GBP5: variants seen among roughly 807,000 people sequenced by gnomAD.
The protein encoded by GBP5 is guanylate-binding protein 5.
Under a neutral mutation model 58.2 loss-of-function variants are expected in GBP5, and 48 were observed. The ratio of observed to expected loss-of-function variants is 0.83; its 90% confidence interval spans 0.65 to 1.05. GBP5 has a LOEUF of 1.05. Ranked by LOEUF, GBP5 falls within the 50% of genes least tolerant of loss-of-function variation. The pLI, the probability that GBP5 is intolerant of heterozygous loss-of-function variation, is 0.00. For synonymous variants in GBP5, 248 were observed against 251.8 expected (o/e 0.98, Z 0.14); for missense variants, 714 against 686.8 (o/e 1.04, Z -0.44).
chr1:89,268,835 A>AC lies in GBP5; in HGVS notation c.211dup (p.Val71GlyfsTer27). On this transcript the variant is annotated frameshift_variant, in exon 4 of 12. Coordinates refer to ENST00000370459, the MANE Select transcript of GBP5 (RefSeq NM_052942.5). LOFTEE classifies it high-confidence loss of function. ...CCAAATTCCCTTGGTGTGAGACTGCACCGTAGATGCAACAGAGAAGCCTGT... is the reference window on the plus strand; with the variant it reads ...CCAAATTCCCTTGGTGTGAGACTGCACCCGTAGATGCAACAGAGAAGCCTGT... 6.2e-7 allele frequency: 1 copy of AC among 1,614,020 alleles called. No homozygotes were observed. The highest frequency in any genetic ancestry group is 2.2e-5 in the East Asian group (1 of 44,854).
rs764073054 is a variant in GBP5, at chr1:89,260,749, G to A, written c.1716C>T (p.His572=). The change falls in exon 12 of 12, where the codon CAC becomes CAT. Residue 572 remains histidine, a synonymous_variant. Transcript: ENST00000370459. ...QNRSLLSELQ[H]AQRTVNNDDP... ...CATCGTTATTAACAGTCCTCTGGGC[G>A]TGCTGGAGCTCACTGAGAAGGCTTC... is the stretch of plus-strand genomic sequence containing the variant. The A allele has an allele frequency of 3.0e-5, 48 of 1,613,986 alleles. No homozygotes were observed. The highest frequency in any genetic ancestry group is 3.3e-4 in the Middle Eastern group (2 of 6,062).
intron 5 of GBP5, 77 bp from the exon 6 acceptor site, chr1:89,267,230 C>T: frequency 7.9e-7 from 1 of 1,267,016 alleles, no homozygotes; most frequent in Non-Finnish European, 1.1e-6. Flanking sequence ...TCCCCCAAAC[C>T]TTTATTTTCC....
chr1:89,269,633 A>T lies in GBP5; in HGVS notation c.-19-59T>A, dbSNP rs535827642. 2.5e-6 allele frequency: 3 copies of T among 1,200,226 alleles called. No individual in the cohort carries two copies. In the East Asian group the frequency reaches 7.1e-5, roughly 28 times the overall value. The allele number at this position is 1,200,226 out of a possible 1,614,324, so 74.3% of individuals were successfully genotyped here. A position where few individuals can be genotyped will look rare whatever the true frequency, so the allele number is the denominator to read the frequency against. ...CTGGTGTTTGTTTAATAAGCAAAGGAAGTCATTTTGCTTACTGAACCTGGG... is the reference window on the plus strand; with the variant it reads ...CTGGTGTTTGTTTAATAAGCAAAGGTAGTCATTTTGCTTACTGAACCTGGG... On this transcript the variant is annotated intron_variant, in intron 2 of 11. Coordinates refer to ENST00000370459, the MANE Select transcript of GBP5 (RefSeq NM_052942.5).
In GBP5 at chr1:89,259,754, G is replaced by T. The variant is rs1649926145; in HGVS notation, c.*950C>A. On this transcript the variant is annotated 3_prime_UTR_variant, in exon 12 of 12. Coordinates refer to ENST00000370459, the MANE Select transcript of GBP5 (RefSeq NM_052942.5). ...AACCACATCCTGGTACCCTGAGCCA[G>T]GCGGGGGCAAAAACTGACAAACTGC... The T allele has an allele frequency of 6.6e-6, 1 of 152,102 alleles. No individual in the cohort carries two copies. Among genetic ancestry groups the T allele is most frequent in the Admixed American group, 6.5e-5 (1 of 15,270 alleles). The allele number at this position is 152,102 out of a possible 1,614,324, so 9.4% of individuals were successfully genotyped here. A position where few individuals can be genotyped will look rare whatever the true frequency, so the allele number is the denominator to read the frequency against.
At position 89,258,672 on chromosome 1, in the gene GBP5, A is replaced by C. The variant is rs1649878418; in HGVS notation, c.*2032T>G. Among the ~76,000 whole-genome samples, 1 of 152,178 alleles carries C rather than the reference A, an allele frequency of 6.6e-6. No individual in the cohort carries two copies. The highest frequency in any genetic ancestry group is 2.1e-4 in the South Asian group (1 of 4,834). ...AAGTAAATCATATTTTGGGTGACTA[A>C]AAAAATTCAAGCTCCTATCATATTA... is the stretch of plus-strand genomic sequence containing the variant. On this transcript the variant is annotated 3_prime_UTR_variant, in exon 12 of 12. Coordinates refer to ENST00000370459, the MANE Select transcript of GBP5 (RefSeq NM_052942.5).
intron 9 of GBP5, 156 bp downstream of exon 9, chr1:89,263,580 T>A: frequency 1.7e-6 from 1 of 579,278 alleles, no homozygotes; most frequent in South Asian, 2.2e-5. Flanking sequence ...CCAGGCACAT[T>A]GTTTTTCCAT....
intron 1 of GBP5, chr1:89,271,136 T>C (rs1650432096): frequency 3.9e-5 from 6 of 152,198 alleles, no homozygotes; most frequent in Admixed American, 3.9e-4. Flanking sequence ...GCCACAAACA[T>C]AACTGTTGCT....
intron 8 of GBP5, among the ~76,000 whole-genome samples, chr1:89,264,304 T>C (rs1206045989): frequency 6.6e-6 from 1 of 152,238 alleles, no homozygotes; most frequent in Non-Finnish European, 1.5e-5. Flanking sequence ...AGCAGAATAG[T>C]TGGCTGGAAT....
chr1:89,266,392 A>G lies in GBP5; in HGVS notation c.822T>C (p.His274=), dbSNP rs1650218064. The change falls in exon 7 of 12, where the codon CAT becomes CAC. Residue 274 remains histidine, a synonymous_variant. Coordinates refer to ENST00000370459, the MANE Select transcript of GBP5 (RefSeq NM_052942.5). ...CACCTGGAAGAGTCTTGGTCATAGAATGGCTAAAGATGTAGGAACAGAATT... is the reference window on the plus strand; with the variant it reads ...CACCTGGAAGAGTCTTGGTCATAGAGTGGCTAAAGATGTAGGAACAGAATT... The part of the protein sequence containing the change: ...VTEFCSYIFS[H]SMTKTLPGGI... 6.2e-7 allele frequency: 1 copy of G among 1,613,508 alleles called. No homozygotes were observed.
chr1:89,259,718 C>T lies in GBP5; in HGVS notation c.*986G>A, dbSNP rs1649925109. The T allele has an allele frequency of 6.6e-6, 1 of 152,044 alleles. No individual in the cohort carries two copies. The highest frequency in any genetic ancestry group is 1.9e-4 in the East Asian group (1 of 5,190). 9.4% of individuals were successfully genotyped at this position (152,044 alleles called of 1,614,324 possible). ...CAGAACTTAGGTGCCACTATAACCACCCCTAAGCTAAACCACATCCTGGTA... is the reference window on the plus strand; with the variant it reads ...CAGAACTTAGGTGCCACTATAACCATCCCTAAGCTAAACCACATCCTGGTA... On this transcript the variant is annotated 3_prime_UTR_variant, in exon 12 of 12. Coordinates refer to ENST00000370459, the MANE Select transcript of GBP5 (RefSeq NM_052942.5).
In GBP5 at chr1:89,269,359, C is replaced by T. The variant is rs374989558; in HGVS notation, c.190+7G>A. 2 of 1,613,476 alleles carry T rather than the reference C, an allele frequency of 1.2e-6. No individual in the cohort carries two copies. Among genetic ancestry groups the T allele is most frequent in the Non-Finnish European group, 1.7e-6 (2 of 1,179,584 alleles). On this transcript the variant is annotated splice_region_variant and intron_variant, in intron 3 of 11. Transcript: ENST00000370459. Reference sequence around the variant, plus strand: ...GGGTTTGGCAGAGCTTTGCTGGTACCACTCACCCTTGTTCTTCCCAGCCAG... The same window carrying T: ...GGGTTTGGCAGAGCTTTGCTGGTACTACTCACCCTTGTTCTTCCCAGCCAG...
intron 2 of GBP5, chr1:89,270,059 T>C (rs1650382984): frequency 6.6e-6 from 1 of 152,276 alleles, no homozygotes; most frequent in Non-Finnish European, 1.5e-5. Flanking sequence ...CAAGTCATTA[T>C]GCAGCATTAT....
At chr1:89,260,900 A>G (rs1649985859) in intron 11 of GBP5, 83 bp from the exon 12 acceptor site, 1 of 934,848 alleles carries the variant, frequency 1.1e-6, no homozygotes, top group Admixed American at 1.8e-5. Context: ...CTTTTCATCT[A>G]CAGTAGCAGT....
Position 89,267,501 on chromosome 1 carries a change from A to G in GBP5, c.344T>C (p.Ile115Thr). 1 of 1,613,710 alleles carries G rather than the reference A, an allele frequency of 6.2e-7. No homozygotes were observed. The highest frequency in any genetic ancestry group is 8.5e-7 in the Non-Finnish European group (1 of 1,179,584). Residue 115 changes from isoleucine (I) to threonine (T), a missense_variant, in exon 5 of 12, where the codon ATC becomes ACC. Coordinates refer to ENST00000370459, the MANE Select transcript of GBP5 (RefSeq NM_052942.5). ...EKADNKNDIQ[I>T]FALALLLSST... is the part of the protein sequence containing the mutation. ...GCTCAGTAAGAGTGCCAGTGCAAAG[A>G]TCTGGATATCATTCTTGTTGTCAGC...
At chr1:89,270,019 CCAGT>C (rs1159858436) in intron 2 of GBP5, 3 of 152,224 alleles carry the variant, frequency 2.0e-5, no homozygotes, top group African/African-American at 7.2e-5. Context: ...AGATCTATGT[CCAGT>C]CAAACTGCAT....
chr1:89,271,563 T>C (rs755201953), intron 1 of GBP5: 2 of 152,246 alleles, frequency 1.3e-5, no homozygotes, highest in East Asian at 1.9e-4. Context: ...CATATGATTC[T>C]AGTTTGGGTT....
At chr1:89,261,587 C>T (rs538022804) in intron 11 of GBP5, among the ~76,000 whole-genome samples, 1 of 152,336 alleles carries the variant, frequency 6.6e-6, no homozygotes, top group South Asian at 2.1e-4. Context: ...AGTAGTTCTG[C>T]TTTACAGTGA....
intron 7 of GBP5, among the ~76,000 whole-genome samples, chr1:89,265,316 T>C (rs974246277): frequency 2.3e-4 from 35 of 152,014 alleles, no homozygotes; most frequent in Admixed American, 2.3e-3. Context: ...GTCTCTTCAA[T>C]CTTCCCTTTT....
At chr1:89,267,729 C>T (rs1650283577) in intron 4 of GBP5, among the ~76,000 whole-genome samples, 1 of 152,116 alleles carries the variant, frequency 6.6e-6, no homozygotes, top group Admixed American at 6.5e-5. Flanking sequence ...TACATATTTG[C>T]AAAACGGATA....
Sources: allele counts gnomAD v4.1 joint callset (sites outside exome capture counted in the v4.1 genomes callset), GRCh38; gene constraint gnomAD v4.1.1; transcripts MANE v1.5; gene names NCBI Gene and HGNC (gene_info 2026-07-23, HGNC 2026-07-21).